Variants in MID2 observed in about 807,000 individuals in gnomAD.
The protein encoded by MID2 is probable E3 ubiquitin-protein ligase MID2.
MID2 carries 13 observed loss-of-function variants against 46.1 expected under a neutral mutation model. That is an observed-to-expected ratio of 0.28 (90% CI 0.18 to 0.45). The LOEUF is 0.45. MID2 is among the 20% of genes least tolerant of loss of function. The pLI, the probability that MID2 is intolerant of heterozygous loss-of-function variation, is 1.00. For synonymous variants in MID2, 199 were observed against 212.3 expected, an observed-to-expected ratio of 0.94 and a Z score of 0.55; for missense variants, 431 against 575.4, an observed-to-expected ratio of 0.75 and a Z score of 2.57.
At chrX:107,924,573 G>A in intron 8 of MID2, 69 bp downstream of exon 8, 1 of 1,091,206 alleles carries the variant, frequency 9.2e-7, no homozygotes, top group South Asian at 2.0e-5. Context: ...CACAGCCTGA[G>A]CAGGCACTCA....
At chrX:107,834,220 G>A (rs1379213940) in intron 1 of MID2, among the ~76,000 whole-genome samples, 1 of 111,805 alleles carries the variant, frequency 8.9e-6, no homozygotes, top group Non-Finnish European at 1.9e-5. Flanking sequence ...TCACCCTGTA[G>A]TAAGGCACAA....
At chrX:107,883,299 A>G (rs746373028) in intron 3 of MID2, among the ~76,000 whole-genome samples, 4 of 111,289 alleles carry the variant, frequency 3.6e-5, no homozygotes, top group Non-Finnish European at 7.5e-5. Flanking sequence ...GTGTATACCT[A>G]TGTAACAAAA....
intron 3 of MID2, among the ~76,000 whole-genome samples, chrX:107,898,259 C>T (rs1199244128): frequency 3.6e-5 from 4 of 112,408 alleles, no homozygotes; most frequent in Non-Finnish European, 1.9e-5. Context: ...TAATATATCT[C>T]CAACCCTTGT....
rs1932392122 is a variant in MID2 at position 107,884,108 on chromosome X, T to C, written c.817-19850T>C. 3.6e-5 allele frequency among the ~76,000 whole-genome samples: 4 copies of C among 112,201 alleles called. No individual in the cohort carries two copies. In the Admixed American group the frequency reaches 3.8e-4, roughly 11 times the overall value. On this transcript the variant is annotated intron_variant, in intron 3 of 9. Transcript: ENST00000262843. ...TTTTATCTACATACATATACACAAGTTATAAGTTCCAAATCTACCGCAAAT... is the reference window on the plus strand; with the variant it reads ...TTTTATCTACATACATATACACAAGCTATAAGTTCCAAATCTACCGCAAAT...
intron 1 of MID2, among the ~76,000 whole-genome samples, chrX:107,833,475 C>T (rs1413255541): frequency 1.9e-5 from 2 of 107,505 alleles, no homozygotes; most frequent in Non-Finnish European, 3.8e-5. Flanking sequence ...AATCTACAGC[C>T]CAGAGATCAG....
intron 3 of MID2, among the ~76,000 whole-genome samples, chrX:107,866,422 AACACACACACACACACACACAC>A (rs57100746): frequency 0.063 from 5,082 of 81,142 alleles, 127 homozygotes; most frequent in Middle Eastern, 0.21. Flanking sequence ...AGCCACTGAA[AACACACACACACACACACACAC>A]ACACACACAC....
intron 3 of MID2, among the ~76,000 whole-genome samples, chrX:107,884,452 C>T (rs941213621): frequency 3.6e-5 from 4 of 112,039 alleles, no homozygotes; most frequent in Admixed American, 2.8e-4. Context: ...TTTTACCAGT[C>T]AGAAAGATAG....
At chrX:107,895,117 A>G (rs1247295679) in intron 3 of MID2, 1 of 110,371 alleles carries the variant, frequency 9.1e-6, no homozygotes, top group East Asian at 2.8e-4. Context: ...CCACACAACT[A>G]TCAGAACTAG....
At chrX:107,853,199 TAAC>T (rs1008740063) in intron 2 of MID2, among the ~76,000 whole-genome samples, 1 of 112,199 alleles carries the variant, frequency 8.9e-6, no homozygotes, top group Non-Finnish European at 1.9e-5. Flanking sequence ...GCTACTGTTG[TAAC>T]AACATTATAT....
In MID2 at chrX:107,904,042, G is replaced by A. The variant is rs774271439; in HGVS notation, c.901G>A (p.Ala301Thr). Residue 301 changes from alanine to threonine, a missense_variant, in exon 4 of 10, where the codon GCT becomes ACT. Ala to Thr is a moderately conservative substitution (Grantham distance 58, BLOSUM62 0). Transcript: ENST00000262843. ...EIIQQRKQMI[A>T]VKIKETKVMK... ...CATCCAGCAGAGGAAGCAAATGATC[G>A]CTGTCAAAATCAAAGAGACAAAGGT... The A allele has an allele frequency of 1.4e-5, 17 of 1,196,801 alleles. No individual in the cohort carries two copies. The highest frequency in any genetic ancestry group is 4.4e-5 in the Admixed American group (2 of 45,693).
chrX:107,826,361 G>A lies in MID2; in HGVS notation c.-66G>A. 9.0e-7 allele frequency: 1 copy of A among 1,112,097 alleles called. No individual in the cohort carries two copies. The highest frequency in any genetic ancestry group is 1.2e-6 in the Non-Finnish European group (1 of 845,060). The allele number at this position is 1,112,097 out of a possible 1,213,427, so 91.6% of individuals were successfully genotyped here. On this transcript the variant is annotated 5_prime_UTR_variant, in exon 1 of 10. Coordinates refer to ENST00000262843, the MANE Select transcript of MID2 (RefSeq NM_012216.4). ...GCGCCGGAGCCCGAGCCAACCCGCT[G>A]CGGAGGCAGACGAGAGCCCAGCGCC...
At chrX:107,887,070 C>G (rs1932469606) in intron 3 of MID2, among the ~76,000 whole-genome samples, 1 of 111,709 alleles carries the variant, frequency 9.0e-6, no homozygotes, top group East Asian at 2.8e-4. Flanking sequence ...CATCTGCAAA[C>G]AGGGACAATT....
intron 3 of MID2, among the ~76,000 whole-genome samples, chrX:107,894,214 A>G (rs1932665804): frequency 1.8e-5 from 2 of 110,852 alleles, no homozygotes; most frequent in Non-Finnish European, 3.8e-5. Flanking sequence ...TTTTATACCC[A>G]GCACATGGCT....
chrX:107,915,462 C>T, intron 5 of MID2, among the ~76,000 whole-genome samples: 1 of 109,642 alleles, frequency 9.1e-6, no homozygotes, highest in Non-Finnish European at 1.9e-5. Flanking sequence ...ATGAGAATTG[C>T]TTGAACCTGG....
chrX:107,889,066 CTT>C (rs1383884849), intron 3 of MID2, among the ~76,000 whole-genome samples: 4 of 111,210 alleles, frequency 3.6e-5, no homozygotes, highest in Non-Finnish European at 7.5e-5. Context: ...GGTCTTGACT[CTT>C]TATCCAATTT....
intron 3 of MID2, among the ~76,000 whole-genome samples, chrX:107,867,409 C>T (rs1168600474): frequency 9.1e-6 from 1 of 109,477 alleles, no homozygotes; most frequent in Non-Finnish European, 1.9e-5. Context: ...GATCCGCCCA[C>T]CTCGGCCTCC....
intron 5 of MID2, among the ~76,000 whole-genome samples, chrX:107,912,704 A>G (rs1393914799): frequency 9.0e-6 from 1 of 111,313 alleles, no homozygotes; most frequent in Non-Finnish European, 1.9e-5. Context: ...GGCTTCAATT[A>G]CCATCTAGAT....
chrX:107,909,224 T>C (rs1290289683), intron 5 of MID2, among the ~76,000 whole-genome samples: 1 of 111,734 alleles, frequency 8.9e-6, no homozygotes, highest in Non-Finnish European at 1.9e-5. Context: ...CAATGTTTAG[T>C]CTAGAGACAA....
chrX:107,837,345 A>G (rs771282030), intron 1 of MID2, among the ~76,000 whole-genome samples: 2 of 111,690 alleles, frequency 1.8e-5, no homozygotes, highest in Admixed American at 9.5e-5. Context: ...CAACCCAGGT[A>G]GCTTCCAACA....
Sources: gnomAD v4.1 joint callset for allele counts (sites outside exome capture counted in the v4.1 genomes callset) on GRCh38, gnomAD v4.1.1 for gene constraint, MANE v1.5 for transcripts, NCBI Gene and HGNC (gene_info 2026-07-23, HGNC 2026-07-21) for gene names.